The following CHCHD3 variants were observed in gnomAD, a reference collection of about 807,000 sequenced individuals.
The protein encoded by CHCHD3 is MICOS complex subunit MIC19.
CHCHD3 carries 20 observed loss-of-function variants against 38.2 expected under a neutral mutation model. The ratio of observed to expected loss-of-function variants is 0.52; its 90% CI spans 0.37 to 0.76. The LOEUF is 0.76. Among genes scored for constraint, CHCHD3 ranks in the 30% least tolerant of loss-of-function variants. CHCHD3 has a pLI of 0.00. For synonymous variants in CHCHD3, 82 were observed against 100.0 expected (o/e 0.82, Z 1.07); for missense variants, 245 against 279.2 (o/e 0.88, Z 0.87).
intron 2 of CHCHD3, among the ~76,000 whole-genome samples, chr7:133,061,052 G>A (rs1422950513): frequency 1.3e-5 from 2 of 152,182 alleles, no homozygotes; most frequent in East Asian, 1.9e-4. Context: ...TCAATCCCAT[G>A]AGATTCCCAG....
At chr7:132,920,963 C>T (rs998293392) in intron 4 of CHCHD3, among the ~76,000 whole-genome samples, 16 of 152,126 alleles carry the variant, frequency 1.1e-4, no homozygotes, top group Non-Finnish European at 2.1e-4. Context: ...TGTCCACTTA[C>T]CTCCAGTACT....
intron 5 of CHCHD3, 24 bp downstream of exon 5, chr7:132,885,638 A>C: frequency 1.3e-6 from 2 of 1,530,258 alleles, no homozygotes; most frequent in Non-Finnish European, 1.8e-6. Context: ...TGGTAATAGA[A>C]TCAATGATAA....
At chr7:132,897,557 G>A (rs1041719899) in intron 4 of CHCHD3, among the ~76,000 whole-genome samples, 4 of 152,204 alleles carry the variant, frequency 2.6e-5, no homozygotes, top group African/African-American at 4.8e-5. Flanking sequence ...GTCAGAAAGA[G>A]AATTGGTTCT....
intron 3 of CHCHD3, among the ~76,000 whole-genome samples, chr7:133,009,018 C>T (rs1323116278): frequency 6.6e-6 from 1 of 150,568 alleles, no homozygotes; most frequent in African/African-American, 2.4e-5. Flanking sequence ...CAAAGGTAGT[C>T]AGTGGGAGGA....
chr7:132,961,874 T>A (rs373707663), intron 4 of CHCHD3, among the ~76,000 whole-genome samples: 1 of 152,246 alleles, frequency 6.6e-6, no homozygotes, highest in African/African-American at 2.4e-5. Context: ...AGTGAGAACA[T>A]ACAGTGTTTG....
intron 3 of CHCHD3, among the ~76,000 whole-genome samples, chr7:132,988,121 T>C (rs1223751283): frequency 6.6e-6 from 1 of 152,152 alleles, no homozygotes; most frequent in Non-Finnish European, 1.5e-5. Context: ...AAAAGTTATA[T>C]ACAGATTTTC....
At chr7:132,943,389 A>G (rs889303929) in intron 4 of CHCHD3, among the ~76,000 whole-genome samples, 2 of 152,156 alleles carry the variant, frequency 1.3e-5, no homozygotes, top group East Asian at 3.8e-4. Context: ...AAATATACCA[A>G]TTGGACAGAA....
At chr7:133,040,061 G>C (rs114377521) in intron 2 of CHCHD3, among the ~76,000 whole-genome samples, 1,864 of 152,154 alleles carry the variant, frequency 0.012, 34 homozygotes, top group African/African-American at 0.042. Flanking sequence ...ACCTATATTC[G>C]ACCCCACATA....
intron 3 of CHCHD3, among the ~76,000 whole-genome samples, chr7:132,992,430 C>T (rs1759083699): frequency 6.6e-6 from 1 of 152,136 alleles, no homozygotes; most frequent in Non-Finnish European, 1.5e-5. Flanking sequence ...AGAGCCTCTC[C>T]TCCAAGCTTT....
rs186803962 is a variant in CHCHD3 at position 132,887,530 on chromosome 7, A to G, written c.370-1785T>C. Among the ~76,000 whole-genome samples the G allele has an allele frequency of 8.6e-5, 13 of 151,972 alleles. No individual in the cohort carries two copies. In the East Asian group the frequency reaches 1.9e-3, roughly 23 times the overall value. ...GAAGAAGCAAGTAACAAAAACAGGA[A>G]AAGAAATCCCAACATGTAACTGGGA... On this transcript the variant is annotated intron_variant, in intron 4 of 7. Transcript: ENST00000262570.
At chr7:132,807,618 TATATATATATATA>T (rs1400176065) in intron 6 of CHCHD3, among the ~76,000 whole-genome samples, 1 of 109,650 alleles carries the variant, frequency 9.1e-6, no homozygotes, top group Non-Finnish European at 1.6e-5. Flanking sequence ...TATATATATA[TATATATATATATA>T]TATATATATA....
intron 3 of CHCHD3, among the ~76,000 whole-genome samples, chr7:132,976,646 T>C (rs1433502058): frequency 6.6e-6 from 1 of 152,206 alleles, no homozygotes; most frequent in African/African-American, 2.4e-5. Flanking sequence ...AGTAAAATTG[T>C]TATGTTGGTG....
Position 132,885,660 on chromosome 7 carries a change from A to G in CHCHD3, c.453+2T>C. 1 of 1,597,490 alleles carries G rather than the reference A, an allele frequency of 6.3e-7. No homozygotes were observed. Among genetic ancestry groups the G allele is most frequent in the Non-Finnish European group, 8.5e-7 (1 of 1,173,370 alleles). ...AGAATCAATGATAAAAAATAGTCAT[A>G]CCCTCTCCTCCAGTCTAGCCAGCTG... On this transcript the variant is annotated splice_donor_variant, in intron 5 of 7. Transcript: ENST00000262570. LOFTEE classifies it high-confidence loss of function.
chr7:133,012,888 G>A (rs1003166123), intron 3 of CHCHD3, among the ~76,000 whole-genome samples: 13 of 150,450 alleles, frequency 8.6e-5, no homozygotes, highest in African/African-American at 2.4e-4. Context: ...TTCAATAACC[G>A]ACATCAAAAG....
At chr7:133,043,125 C>T (rs1048329757) in intron 2 of CHCHD3, among the ~76,000 whole-genome samples, 12 of 152,158 alleles carry the variant, frequency 7.9e-5, no homozygotes, top group Non-Finnish European at 1.2e-4. Flanking sequence ...GCCTCAGCTT[C>T]CCAAAGTGCT....
intron 2 of CHCHD3, among the ~76,000 whole-genome samples, chr7:133,050,078 G>A (rs1211983600): frequency 6.6e-6 from 1 of 152,134 alleles, no homozygotes; most frequent in African/African-American, 2.4e-5. Context: ...CAGGCGTGGT[G>A]GCTCATGCCT....
rs188847791 is a variant in CHCHD3, at chr7:132,983,245, C to G, written c.252-7959G>C. Reference sequence around the variant, plus strand: ...GCTGAGGCAAGGAGAATTGCTTAAACCCGGGAGGCAGAGGTTGCAGTGAGC... The same window carrying G: ...GCTGAGGCAAGGAGAATTGCTTAAAGCCGGGAGGCAGAGGTTGCAGTGAGC... On this transcript the variant is annotated intron_variant, in intron 3 of 7. Coordinates refer to ENST00000262570, the MANE Select transcript of CHCHD3 (RefSeq NM_017812.4). 2.9e-3 allele frequency among the ~76,000 whole-genome samples: 443 copies of G among 152,160 alleles called. 1 individual carries two copies. In the South Asian group the frequency reaches 0.033, roughly 11 times the overall value.
At chr7:133,025,357 G>A (rs150273046) in intron 2 of CHCHD3, among the ~76,000 whole-genome samples, 3 of 152,264 alleles carry the variant, frequency 2.0e-5, no homozygotes, top group Admixed American at 1.3e-4. Flanking sequence ...TTTCACACAC[G>A]TCTTTAAGAG....
At chr7:132,904,039 C>G (rs894624534) in intron 4 of CHCHD3, among the ~76,000 whole-genome samples, 4 of 151,932 alleles carry the variant, frequency 2.6e-5, no homozygotes, top group African/African-American at 4.8e-5. Flanking sequence ...GTGGGGGGAT[C>G]ATTTGAGGTC....
Sources: gnomAD v4.1 joint callset for allele counts (sites outside exome capture counted in the v4.1 genomes callset) on GRCh38, gnomAD v4.1.1 for gene constraint, MANE v1.5 for transcripts, NCBI Gene and HGNC (gene_info 2026-07-23, HGNC 2026-07-21) for gene names.